The following HMGCS2 variants were observed in gnomAD, a reference collection of about 807,000 sequenced individuals.
The protein encoded by HMGCS2 is hydroxymethylglutaryl-CoA synthase, mitochondrial.
Under a neutral mutation model 57.4 loss-of-function variants are expected in HMGCS2, and 50 were observed. The ratio of observed to expected loss-of-function variants is 0.87; its 90% CI spans 0.69 to 1.10. HMGCS2 has a LOEUF of 1.10. Among genes scored for constraint, HMGCS2 ranks in the 50% least tolerant of loss-of-function variants. HMGCS2 has a pLI of 0.00. For missense variants in HMGCS2, 627 were observed against 636.5 expected (o/e 0.99, Z 0.16); for synonymous variants, 254 against 245.1 (o/e 1.04, Z -0.34).
chr1:119,753,237 G>T, intron 7 of HMGCS2, 43 bp downstream of exon 7: 2 of 1,185,012 alleles, frequency 1.7e-6, no homozygotes, highest in Non-Finnish European at 2.5e-6. Context: ...TATTCTACCA[G>T]ATGAATCTTG....
In HMGCS2 at chr1:119,755,568, T is replaced by C. The variant is rs1025175254; in HGVS notation, c.1046A>G (p.Asn349Ser). 2.5e-6 allele frequency: 4 copies of C among 1,614,026 alleles called. No homozygotes were observed. The highest frequency in any genetic ancestry group is 2.5e-6 in the Non-Finnish European group (3 of 1,180,036). ...GGLKLEDTYT[N>S]KDLDKALLKA... ...TAGAAGTGCTTTATCCAGGTCCTTG[T>C]TGGTGTAGGTGTCTTCCAGCTTTAG... The change falls in exon 6 of 10, where the codon AAC (asparagine) becomes AGC (serine). Residue 349 changes from asparagine (N) to serine (S), a missense_variant. Physicochemically the swap from Asn to Ser is conservative, Grantham distance 46. Transcript: ENST00000369406.
chr1:119,760,909 C>T (rs981895433), intron 2 of HMGCS2, among the ~76,000 whole-genome samples: 4 of 151,980 alleles, frequency 2.6e-5, no homozygotes, highest in Admixed American at 6.6e-5. Flanking sequence ...GAATTTAAGC[C>T]ACTTGCCCAA....
intron 4 of HMGCS2, among the ~76,000 whole-genome samples, chr1:119,758,201 C>A (rs587715749): frequency 6.6e-6 from 1 of 152,386 alleles, no homozygotes; most frequent in South Asian, 2.1e-4. Context: ...CTATTTATGT[C>A]TTTAAAGTAG....
At chr1:119,758,940 A>G (rs1175208646) in intron 4 of HMGCS2, among the ~76,000 whole-genome samples, 178 bp downstream of exon 4, 1 of 152,248 alleles carries the variant, frequency 6.6e-6, no homozygotes, top group Non-Finnish European at 1.5e-5. Context: ...CTGAAGTTGA[A>G]TGACTTCCAA....
intron 9 of HMGCS2, among the ~76,000 whole-genome samples, chr1:119,750,521 T>G (rs1024533271): frequency 2.0e-5 from 3 of 152,226 alleles, no homozygotes; most frequent in African/African-American, 7.2e-5. Flanking sequence ...GAGTTTTAAT[T>G]GGTCTTTATG....
intron 9 of HMGCS2, 55 bp from the exon 10 acceptor site, chr1:119,748,896 C>T (rs1286942873): frequency 1.3e-5 from 2 of 152,318 alleles, no homozygotes; most frequent in South Asian, 4.1e-4. Context: ...CACCCTGCCC[C>T]CAGTACCTGC....
chr1:119,755,288 A>T (rs1374643748), intron 6 of HMGCS2, 139 bp downstream of exon 6: 1 of 874,452 alleles, frequency 1.1e-6, no homozygotes, highest in East Asian at 2.4e-5. Context: ...GATTACAGGC[A>T]TGAGCCACTA....
intron 2 of HMGCS2, among the ~76,000 whole-genome samples, chr1:119,763,378 A>T (rs1653108802): frequency 6.6e-6 from 1 of 152,140 alleles, no homozygotes; most frequent in Non-Finnish European, 1.5e-5. Context: ...CTGCCAACAT[A>T]CTGTTTTTTC....
chr1:119,768,814 T>G lies in HMGCS2; in HGVS notation c.31A>C (p.Ile11Leu), dbSNP rs1653326072. 2 of 1,614,058 alleles carry G rather than the reference T, an allele frequency of 1.2e-6. No individual in the cohort carries two copies. Among genetic ancestry groups the G allele is most frequent in the Non-Finnish European group, 1.7e-6 (2 of 1,179,972 alleles). The change falls in exon 1 of 10, where the codon ATT becomes CTT. Residue 11 changes from isoleucine to leucine, a missense_variant. By Grantham distance (5) the Ile-to-Leu change is conservative. Coordinates refer to ENST00000369406, the MANE Select transcript of HMGCS2 (RefSeq NM_005518.4). ...TGCACCGCTCTTGTCAGTTGCAGAATGCGCTTCACTGGAGTCAACAGACGC... is the reference window on the plus strand; with the variant it reads ...TGCACCGCTCTTGTCAGTTGCAGAAGGCGCTTCACTGGAGTCAACAGACGC... MQRLLTPVKR[I>L]LQLTRAVQET...
At chr1:119,754,572 AT>A (rs1193825889) in intron 6 of HMGCS2, among the ~76,000 whole-genome samples, 1 of 152,220 alleles carries the variant, frequency 6.6e-6, no homozygotes, top group Non-Finnish European at 1.5e-5. Context: ...AACATCCAAC[AT>A]TTGAGCACCT....
Position 119,759,946 on chromosome 1 carries a change from GGGA to G in HMGCS2, c.600_602del (p.Pro201del). On this transcript the variant is annotated inframe_deletion, in exon 3 of 10. Coordinates refer to ENST00000369406, the MANE Select transcript of HMGCS2 (RefSeq NM_005518.4). ...CACCTGTGGGACGAGCATTACCACT[GGGA>G]TAGACGGCAATGTCTCCACAGACCA... The G allele has an allele frequency of 1.2e-6, 2 of 1,613,984 alleles. No individual in the cohort carries two copies. The highest frequency in any genetic ancestry group is 1.7e-6 in the Non-Finnish European group (2 of 1,179,858).
chr1:119,754,500 C>T (rs1320026082), intron 6 of HMGCS2, among the ~76,000 whole-genome samples: 1 of 152,156 alleles, frequency 6.6e-6, no homozygotes, highest in African/African-American at 2.4e-5. Flanking sequence ...TTCATGAGCC[C>T]TTTCTTATGT....
intron 1 of HMGCS2, among the ~76,000 whole-genome samples, chr1:119,765,457 CT>C (rs1276481728): frequency 6.6e-5 from 10 of 152,234 alleles, no homozygotes; most frequent in Non-Finnish European, 1.5e-4. Flanking sequence ...TTTATTCCTC[CT>C]TTCCCATATC....
At chr1:119,768,091 T>A (rs1653297653) in intron 1 of HMGCS2, among the ~76,000 whole-genome samples, 1 of 152,190 alleles carries the variant, frequency 6.6e-6, no homozygotes, top group African/African-American at 2.4e-5. Context: ...GTTTGGGGAT[T>A]AGACAGAAAC....
chr1:119,764,722 T>G, intron 1 of HMGCS2, 96 bp from the exon 2 acceptor site: 1 of 965,214 alleles, frequency 1.0e-6, no homozygotes, highest in Non-Finnish European at 1.6e-6. Context: ...ATTTTCTATA[T>G]TTTGAAGCTA....
chr1:119,763,925 T>C (rs1017448344), intron 2 of HMGCS2, among the ~76,000 whole-genome samples: 1 of 152,216 alleles, frequency 6.6e-6, no homozygotes, highest in African/African-American at 2.4e-5. Flanking sequence ...TTCTCTTCTA[T>C]AAATCTGGTA....
chr1:119,752,517 C>A, intron 8 of HMGCS2, 32 bp downstream of exon 8: 1 of 1,612,080 alleles, frequency 6.2e-7, no homozygotes, highest in Non-Finnish European at 8.5e-7. Flanking sequence ...GGAATGGGGT[C>A]TCTCTTCCTC....
chr1:119,755,899 A>G (rs371568225), intron 5 of HMGCS2, among the ~76,000 whole-genome samples: 1 of 19,208 alleles, frequency 5.2e-5, no homozygotes. Context: ...GTGTGTGTGT[A>G]TATATATATA....
At chr1:119,750,774 C>G (rs748621820) in intron 9 of HMGCS2, 23 bp downstream of exon 9, 1 of 1,494,358 alleles carries the variant, frequency 6.7e-7, no homozygotes, top group Non-Finnish European at 9.3e-7. Flanking sequence ...TTTATGCCAC[C>G]AACTCTGCAA....
Sources: gnomAD v4.1 joint callset for allele counts (sites outside exome capture counted in the v4.1 genomes callset) on GRCh38, gnomAD v4.1.1 for gene constraint, MANE v1.5 for transcripts, NCBI Gene and HGNC (gene_info 2026-07-23, HGNC 2026-07-21) for gene names.